The following IQCM variants were observed in gnomAD, a reference collection of about 807,000 sequenced individuals.
IQCM encodes the protein IQ domain-containing protein M.
A neutral mutation model predicts 57.6 loss-of-function variants in IQCM; 45 were observed. The ratio of observed to expected loss-of-function variants is 0.78; its 90% CI spans 0.62 to 1.00. IQCM has a LOEUF of 1.00. IQCM is among the 50% of genes least tolerant of loss of function. IQCM has a pLI of 0.00. For synonymous variants in IQCM, 148 were observed against 158.9 expected (o/e 0.93, Z 0.51); for missense variants, 468 against 511.6 (o/e 0.91, Z 0.82).
intron 12 of IQCM, among the ~76,000 whole-genome samples, chr4:149,453,481 T>C (rs1483383105): frequency 1.3e-5 from 2 of 151,878 alleles, no homozygotes; most frequent in Non-Finnish European, 2.9e-5. Flanking sequence ...TTTGTGGTAA[T>C]GGACTTGTAT....
intron 2 of IQCM, among the ~76,000 whole-genome samples, chr4:149,801,704 A>G (rs186051035): frequency 5.9e-5 from 9 of 151,972 alleles, no homozygotes; most frequent in Admixed American, 5.9e-4. Context: ...AATTGAACCC[A>G]CGGACATAGA....
chr4:149,510,392 C>T (rs1440043783), intron 12 of IQCM, among the ~76,000 whole-genome samples: 1 of 152,054 alleles, frequency 6.6e-6, no homozygotes, highest in Non-Finnish European at 1.5e-5. Flanking sequence ...CCAAGTATTA[C>T]AAGTATTATT....
At chr4:149,807,137 C>T (rs1176096936) in intron 2 of IQCM, among the ~76,000 whole-genome samples, 1 of 151,746 alleles carries the variant, frequency 6.6e-6, no homozygotes, top group African/African-American at 2.4e-5. Flanking sequence ...CAAAGACATT[C>T]TTACAGAAAT....
At chr4:149,379,021 CA>C (rs1235942138) in intron 13 of IQCM, among the ~76,000 whole-genome samples, 1 of 152,192 alleles carries the variant, frequency 6.6e-6, no homozygotes, top group Non-Finnish European at 1.5e-5. Flanking sequence ...GCCATGGCTT[CA>C]GAGGGTGCAA....
intron 6 of IQCM, among the ~76,000 whole-genome samples, chr4:149,682,778 T>A (rs2150206292): frequency 6.6e-6 from 1 of 151,310 alleles, no homozygotes; most frequent in Non-Finnish European, 1.5e-5. Flanking sequence ...AAAACAAGCA[T>A]GTAGGTACTT....
Position 149,682,137 on chromosome 4 carries a change from CA to C in IQCM, c.545del (p.Leu182TrpfsTer4). The C allele has an allele frequency of 8.2e-7, 1 of 1,218,994 alleles. No individual in the cohort carries two copies. The highest frequency in any genetic ancestry group is 1.0e-6 in the Non-Finnish European group (1 of 976,628). 75.5% of individuals were successfully genotyped at this position (1,218,994 alleles called of 1,614,324 possible). On this transcript the variant is annotated frameshift_variant, in exon 7 of 14. Transcript: ENST00000636793. LOFTEE classifies it high-confidence loss of function. ...HLYLQPGTSN[L>X]ELLKEPDKAF... ...ACTCACCAGGTTCTTTCAGAAGTTC[CA>C]AGTTAGAGGTCCCAGGTTGTAAGTA... is the stretch of plus-strand genomic sequence containing the variant.
At chr4:149,535,805 A>T (rs189856112) in intron 12 of IQCM, among the ~76,000 whole-genome samples, 29 of 152,194 alleles carry the variant, frequency 1.9e-4, no homozygotes, top group Middle Eastern at 3.4e-3. Flanking sequence ...TGGAGTAACA[A>T]CTCACATGAC....
chr4:149,690,672 G>A (rs546771771), intron 5 of IQCM, among the ~76,000 whole-genome samples: 3 of 152,192 alleles, frequency 2.0e-5, no homozygotes, highest in African/African-American at 7.2e-5. Flanking sequence ...GGCATTCTCG[G>A]ATCTTGGAAT....
intron 9 of IQCM, among the ~76,000 whole-genome samples, chr4:149,584,785 G>A (rs1752503435): frequency 6.6e-6 from 1 of 151,724 alleles, no homozygotes; most frequent in African/African-American, 2.4e-5. Context: ...TTGCTTTTTA[G>A]CTTTGTGATC....
At chr4:149,504,908 G>C (rs1223270206) in intron 12 of IQCM, among the ~76,000 whole-genome samples, 1 of 152,084 alleles carries the variant, frequency 6.6e-6, no homozygotes, top group Non-Finnish European at 1.5e-5. Context: ...CAGAGAGAGA[G>C]AGAGAGACCC....
At chr4:149,361,750 G>A (rs922371228) in intron 13 of IQCM, among the ~76,000 whole-genome samples, 3 of 152,180 alleles carry the variant, frequency 2.0e-5, no homozygotes, top group East Asian at 1.9e-4. Flanking sequence ...GGGCCCTCAC[G>A]GAGAACCTCT....
rs568857639 is a variant in IQCM, at chr4:149,712,335, AC to A, written c.385+20908del. Reference sequence around the variant, plus strand: ...CTTTATCCTGTGCAGATACTGTCATACTGTCAATGTTCACACACACACACAC... The same window carrying A: ...CTTTATCCTGTGCAGATACTGTCATATGTCAATGTTCACACACACACACAC... On this transcript the variant is annotated intron_variant, in intron 5 of 13. Coordinates refer to ENST00000636793, the MANE Select transcript of IQCM (RefSeq NM_001363507.2). Among the ~76,000 whole-genome samples the A allele has an allele frequency of 7.3e-5, 11 of 150,952 alleles. No homozygotes were observed. In the Middle Eastern group the frequency reaches 0.01, roughly 140 times the overall value.
At chr4:149,427,687 A>G (rs1193563750) in intron 13 of IQCM, among the ~76,000 whole-genome samples, 3 of 152,004 alleles carry the variant, frequency 2.0e-5, no homozygotes, top group African/African-American at 7.2e-5. Flanking sequence ...ATGTAAGTAT[A>G]GCAAGTGTTG....
intron 8 of IQCM, among the ~76,000 whole-genome samples, chr4:149,600,645 G>T (rs950861965): frequency 2.0e-5 from 3 of 152,268 alleles, no homozygotes; most frequent in Non-Finnish European, 4.4e-5. Flanking sequence ...AGGCACTGGG[G>T]TCAAAGGCTG....
intron 12 of IQCM, among the ~76,000 whole-genome samples, chr4:149,515,354 C>T (rs1221242322): frequency 6.6e-6 from 1 of 152,060 alleles, no homozygotes; most frequent in Non-Finnish European, 1.5e-5. Flanking sequence ...AGCAGCATTC[C>T]ATCATCAAAT....
At chr4:149,535,607 A>T (rs1206244569) in intron 12 of IQCM, among the ~76,000 whole-genome samples, 2 of 152,076 alleles carry the variant, frequency 1.3e-5, no homozygotes, top group East Asian at 3.8e-4. Flanking sequence ...CTGTTTCTTA[A>T]AGATGGTTAT....
chr4:149,613,984 G>A (rs891177334), intron 8 of IQCM, among the ~76,000 whole-genome samples: 2 of 152,058 alleles, frequency 1.3e-5, no homozygotes, highest in Non-Finnish European at 2.9e-5. Flanking sequence ...GGACATTTGG[G>A]TTGGTTCCAA....
At chr4:149,571,242 A>C (rs778491750) in intron 9 of IQCM, among the ~76,000 whole-genome samples, 7 of 152,132 alleles carry the variant, frequency 4.6e-5, no homozygotes, top group Admixed American at 1.3e-4. Flanking sequence ...GAATCAACCT[A>C]AGTGTTTGTT....
At chr4:149,674,125 A>G (rs1467187602) in intron 7 of IQCM, among the ~76,000 whole-genome samples, 1 of 152,142 alleles carries the variant, frequency 6.6e-6, no homozygotes, top group East Asian at 1.9e-4. Context: ...AAAAAGATAC[A>G]ATGAAACAAA....
Sources: gnomAD v4.1 joint callset for allele counts (sites outside exome capture counted in the v4.1 genomes callset) on GRCh38, gnomAD v4.1.1 for gene constraint, MANE v1.5 for transcripts, NCBI Gene and HGNC (gene_info 2026-07-23, HGNC 2026-07-21) for gene names.